CTTNBP2: variants seen among roughly 807,000 people sequenced by gnomAD.
CTTNBP2 encodes cortactin binding protein 2, also known as cortactin-binding protein 2.
In CTTNBP2, 108 loss-of-function variants were observed where a neutral mutation model predicts 156.9. That is an observed-to-expected ratio of 0.69 (90% confidence interval 0.59 to 0.81). CTTNBP2 has a LOEUF of 0.81. Among genes scored for constraint, CTTNBP2 ranks in the 30% least tolerant of loss-of-function variants. The pLI, the probability that CTTNBP2 is intolerant of heterozygous loss-of-function variation, is 0.00. For synonymous variants in CTTNBP2, 767 were observed against 751.8 expected, an observed-to-expected ratio of 1.02 and a Z score of -0.33; for missense variants, 1,924 against 2,035.4, an observed-to-expected ratio of 0.95 and a Z score of 1.05.
intron 2 of CTTNBP2, among the ~76,000 whole-genome samples, chr7:117,849,145 G>A (rs372148229): frequency 1.4e-4 from 21 of 152,172 alleles, no homozygotes; most frequent in South Asian, 4.1e-4. Context: ...TTTACTGGCC[G>A]TCTTGCTTAC....
At chr7:117,776,275 T>C (rs1430484237) in intron 8 of CTTNBP2, among the ~76,000 whole-genome samples, 1 of 152,212 alleles carries the variant, frequency 6.6e-6, no homozygotes, top group Non-Finnish European at 1.5e-5. Flanking sequence ...GTCATCATCT[T>C]TCATGTAGTA....
At chr7:117,859,662 T>A (rs1013687418) in intron 2 of CTTNBP2, among the ~76,000 whole-genome samples, 2 of 152,196 alleles carry the variant, frequency 1.3e-5, no homozygotes, top group African/African-American at 4.8e-5. Context: ...TCCCAAAAAT[T>A]TCATTCAGGA....
At chr7:117,807,068 A>T (rs1277856874) in intron 3 of CTTNBP2, among the ~76,000 whole-genome samples, 2 of 151,870 alleles carry the variant, frequency 1.3e-5, no homozygotes, top group African/African-American at 4.8e-5. Flanking sequence ...GCTCATTTCT[A>T]TCTACATGGA....
At chr7:117,762,082 T>C (rs1797246170) in intron 9 of CTTNBP2, among the ~76,000 whole-genome samples, 1 of 152,214 alleles carries the variant, frequency 6.6e-6, no homozygotes, top group Non-Finnish European at 1.5e-5. Flanking sequence ...TCCTTTGTTG[T>C]TCTCTCCACC....
intron 18 of CTTNBP2, 147 bp downstream of exon 18, chr7:117,724,905 A>G (rs1007516637): frequency 1.6e-5 from 16 of 1,001,458 alleles, no homozygotes; most frequent in Non-Finnish European, 2.3e-5. Flanking sequence ...TCAAACATTA[A>G]CCAGTAATTA....
chr7:117,758,993 CTTTG>C (rs1421517558), intron 10 of CTTNBP2, among the ~76,000 whole-genome samples: 2 of 152,194 alleles, frequency 1.3e-5, no homozygotes, highest in African/African-American at 4.8e-5. Flanking sequence ...GTTGTACTGA[CTTTG>C]TTTATCAGAC....
intron 2 of CTTNBP2, among the ~76,000 whole-genome samples, chr7:117,847,215 G>A (rs1257962072): frequency 6.6e-6 from 1 of 152,000 alleles, no homozygotes; most frequent in African/African-American, 2.4e-5. Context: ...GGACAATAAA[G>A]AGAGTTGGAA....
At chr7:117,713,271 T>TGAAA in intron 22 of CTTNBP2, among the ~76,000 whole-genome samples, 1 of 152,200 alleles carries the variant, frequency 6.6e-6, no homozygotes. Flanking sequence ...TTGATAATCT[T>TGAAA]TCCCTTCAGA....
intron 14 of CTTNBP2, among the ~76,000 whole-genome samples, chr7:117,737,563 G>C (rs953961091): frequency 6.6e-6 from 1 of 152,054 alleles, no homozygotes; most frequent in African/African-American, 2.4e-5. Flanking sequence ...ATTCTAACTG[G>C]GGGTGTGTAG....
At chr7:117,775,582 T>G (rs1584983424) in intron 8 of CTTNBP2, among the ~76,000 whole-genome samples, 1 of 140,556 alleles carries the variant, frequency 7.1e-6, no homozygotes, top group Non-Finnish European at 1.5e-5. Context: ...GTTTTGTTTT[T>G]CCTTTTTTTT....
At chr7:117,841,691 T>G (rs1240553743) in intron 2 of CTTNBP2, among the ~76,000 whole-genome samples, 1 of 152,226 alleles carries the variant, frequency 6.6e-6, no homozygotes, top group Non-Finnish European at 1.5e-5. Context: ...AGAAATTGCA[T>G]GCATAGGAGT....
intron 8 of CTTNBP2, among the ~76,000 whole-genome samples, chr7:117,770,367 G>T (rs6954037): frequency 0.18 from 26,925 of 152,164 alleles, 3,320 homozygotes; most frequent in African/African-American, 0.35. Flanking sequence ...TCAGTCCCCA[G>T]GAGAGTAGCA....
At chr7:117,788,468 C>A (rs1563006996) in intron 4 of CTTNBP2, among the ~76,000 whole-genome samples, 6 of 152,138 alleles carry the variant, frequency 3.9e-5, no homozygotes, top group Admixed American at 3.3e-4. Context: ...TTGCTTTGGG[C>A]AATCACAATG....
At chr7:117,840,150 G>T (rs955225576) in intron 2 of CTTNBP2, among the ~76,000 whole-genome samples, 2 of 152,082 alleles carry the variant, frequency 1.3e-5, no homozygotes, top group Non-Finnish European at 2.9e-5. Flanking sequence ...CCATAACTGA[G>T]CATCACAGTT....
intron 5 of CTTNBP2, among the ~76,000 whole-genome samples, chr7:117,783,162 C>T (rs1798521972): frequency 6.6e-6 from 1 of 151,308 alleles, no homozygotes; most frequent in Admixed American, 6.6e-5. Flanking sequence ...ATTATAATAC[C>T]CCAGATTCAC....
chr7:117,712,585 TCTC>T (rs1286574953), intron 22 of CTTNBP2, among the ~76,000 whole-genome samples: 66 of 152,130 alleles, frequency 4.3e-4, no homozygotes, highest in African/African-American at 1.5e-3. Context: ...CTTGATAACT[TCTC>T]CTCTTCAAAA....
Position 117,724,547 on chromosome 7 carries a change from C to G in CTTNBP2, c.4447G>C (p.Gly1483Arg). Residue 1483 changes from glycine (G) to arginine (R), a missense_variant and splice_region_variant, in exon 19 of 23, where the codon GGT (glycine) becomes CGT (arginine). By Grantham distance (125) the Gly-to-Arg change is moderately radical (BLOSUM62 -2). Coordinates refer to ENST00000160373, the MANE Select transcript of CTTNBP2 (RefSeq NM_033427.3). The stretch of plus-strand genomic sequence containing the variant: ...CAACATGCCTACCCCCGCCCTTTAC[C>G]TTCAGTGCTTAGGTCTGGCTTATTC... ...TWNKPDLSTE[G>R]MKNKTISQLN... The G allele has an allele frequency of 2.5e-6, 4 of 1,609,632 alleles. No homozygotes were observed. The highest frequency in any genetic ancestry group is 3.4e-6 in the Non-Finnish European group (4 of 1,178,080).
At chr7:117,823,758 A>G (rs765463832) in intron 2 of CTTNBP2, among the ~76,000 whole-genome samples, 1 of 152,108 alleles carries the variant, frequency 6.6e-6, no homozygotes, top group Non-Finnish European at 1.5e-5. Context: ...GAGTGCAATC[A>G]TGTCTCACTG....
At position 117,746,088 on chromosome 7, in the gene CTTNBP2, A is replaced by C. The variant is rs868158400; in HGVS notation, c.3360T>G (p.Tyr1120Ter). 6.2e-7 allele frequency: 1 copy of C among 1,613,578 alleles called. No homozygotes were observed. The highest frequency in any genetic ancestry group is 8.5e-7 in the Non-Finnish European group (1 of 1,179,478). Residue 1120 changes from tyrosine (Y) to a stop codon, truncating the protein, a stop_gained, in exon 13 of 23, where the codon TAT becomes TAG. Coordinates refer to ENST00000160373, the MANE Select transcript of CTTNBP2 (RefSeq NM_033427.3). LOFTEE classifies it high-confidence loss of function. ...CTGGGCCGTGGAAAATGACATTATG[A>C]TATTGCTCAACCTATTAACAAACCA... is the stretch of plus-strand genomic sequence containing the variant. ...MQNYLRLVEQ[Y>*]HNVIFHGPEG...
Sources: allele counts gnomAD v4.1 joint callset (sites outside exome capture counted in the v4.1 genomes callset), GRCh38; gene constraint gnomAD v4.1.1; transcripts MANE v1.5; gene names NCBI Gene and HGNC (gene_info 2026-07-23, HGNC 2026-07-21).